SLC22A23: variants seen among roughly 807,000 people sequenced by gnomAD.
The protein encoded by SLC22A23 is solute carrier family 22 member 23, also known as ion transporter protein.
In SLC22A23, 26 loss-of-function variants were observed where a neutral mutation model predicts 61.0. The observed-to-expected ratio is 0.43, with a 90% CI of 0.31 to 0.59. The LOEUF (loss-of-function observed/expected upper bound fraction) is 0.59, where lower values mean the gene tolerates loss of function less well. SLC22A23 is among the 20% of genes least tolerant of loss of function. The pLI, the probability that SLC22A23 is intolerant of heterozygous loss-of-function variation, is 0.11. For synonymous variants in SLC22A23, 430 were observed against 413.9 expected (o/e 1.04, Z -0.47); for missense variants, 796 against 934.7 (o/e 0.85, Z 1.94).
At position 3,286,532 on chromosome 6, in the gene SLC22A23, G is replaced by A. The variant is rs551086033; in HGVS notation, c.1546+327C>T. Among the ~76,000 whole-genome samples the A allele has an allele frequency of 6.6e-6, 1 of 152,310 alleles. No homozygotes were observed. The highest frequency in any genetic ancestry group is 1.5e-5 in the Non-Finnish European group (1 of 68,036). ...ATTTATTTCCCCCTTAATGTCACTC[G>A]AAAGAGACAATCCTTTGTTCTTCTT... On this transcript the variant is annotated intron_variant, in intron 7 of 9. Transcript: ENST00000406686. This position sits in a 1 kb window ranked among gnomAD's most constrained non-coding sequence, Gnocchi z 4.2.
At chr6:3,357,291 C>A (rs1765175170) in intron 3 of SLC22A23, among the ~76,000 whole-genome samples, 2 of 152,186 alleles carry the variant, frequency 1.3e-5, no homozygotes, top group Admixed American at 1.3e-4. Context: ...GGACTTATCC[C>A]AGCCTCTGTA....
rs1252128900 is a variant in SLC22A23, at chr6:3,328,897, CT to C, written c.914-4896del. Among the ~76,000 whole-genome samples, 3 of 152,094 alleles carry C rather than the reference CT, an allele frequency of 2.0e-5. No individual in the cohort carries two copies. Among genetic ancestry groups the C allele is most frequent in the Non-Finnish European group, 4.4e-5 (3 of 68,016 alleles). On this transcript the variant is annotated intron_variant, in intron 3 of 9. Coordinates refer to ENST00000406686, the MANE Select transcript of SLC22A23 (RefSeq NM_015482.2). The surrounding 1 kb of genome is among the most constrained non-coding windows in gnomAD (Gnocchi z 5.0). ...AAGCCCATCTCCGAAGCTGCACCCC[CT>C]CCCTCCCCTTCTTACTCCCCACTCT... is the stretch of plus-strand genomic sequence containing the variant.
chr6:3,285,843 G>T (rs1168976976), intron 7 of SLC22A23, among the ~76,000 whole-genome samples: 1 of 152,336 alleles, frequency 6.6e-6, no homozygotes, highest in South Asian at 2.1e-4. Context: ...CTAGTTCTGA[G>T]AGCCCGGGTT....
At chr6:3,437,529 T>A (rs933451085) in intron 1 of SLC22A23, among the ~76,000 whole-genome samples, 18 of 150,188 alleles carry the variant, frequency 1.2e-4, no homozygotes, top group Admixed American at 7.3e-4. Flanking sequence ...CAAAAAAAAA[T>A]TAAAAAAAAA....
rs538510136 is a variant in SLC22A23 at position 3,332,009 on chromosome 6, G to A, written c.914-8007C>T. On this transcript the variant is annotated intron_variant, in intron 3 of 9. Transcript: ENST00000406686. ...GTTTTTCTGGTGCTATCCATTCTAC[G>A]GATCAAAATCATACGCAGTGAGTGA... 5.9e-5 allele frequency among the ~76,000 whole-genome samples: 9 copies of A among 152,236 alleles called. No individual in the cohort carries two copies. In the South Asian group the frequency reaches 6.2e-4, roughly 11 times the overall value.
chr6:3,420,844 C>A (rs1298552788), intron 1 of SLC22A23, among the ~76,000 whole-genome samples: 1 of 152,144 alleles, frequency 6.6e-6, no homozygotes, highest in African/African-American at 2.4e-5. Flanking sequence ...GTGGCCCACG[C>A]ATATAATCCC....
intron 3 of SLC22A23, among the ~76,000 whole-genome samples, chr6:3,362,904 C>T (rs1040031955): frequency 6.6e-6 from 1 of 152,192 alleles, no homozygotes; most frequent in Admixed American, 6.5e-5. Context: ...GCCATGACCA[C>T]CTCTTTGTTT....
chr6:3,419,478 T>C (rs1378315254), intron 1 of SLC22A23, among the ~76,000 whole-genome samples: 1 of 152,196 alleles, frequency 6.6e-6, no homozygotes, highest in Non-Finnish European at 1.5e-5. Flanking sequence ...TAACTTTCTG[T>C]GTGCAACCTT....
chr6:3,321,373 C>A (rs4959815), intron 4 of SLC22A23, among the ~76,000 whole-genome samples: 2 of 151,406 alleles, frequency 1.3e-5, no homozygotes, highest in Non-Finnish European at 2.9e-5. Flanking sequence ...CATGCACACA[C>A]GTGCACACAC....
At chr6:3,357,557 T>TA (rs201654371) in intron 3 of SLC22A23, among the ~76,000 whole-genome samples, 9 of 152,156 alleles carry the variant, frequency 5.9e-5, no homozygotes, top group African/African-American at 1.7e-4. Flanking sequence ...AAGCTTATCA[T>TA]AAAAAAATTT....
chr6:3,432,141 G>T, intron 1 of SLC22A23: 1 of 921,860 alleles, frequency 1.1e-6, no homozygotes, highest in Non-Finnish European at 1.3e-6. Context: ...AGGTTCCTCA[G>T]TGTAGAGGCG....
chr6:3,355,006 C>T (rs944799462), intron 3 of SLC22A23, among the ~76,000 whole-genome samples: 1 of 152,114 alleles, frequency 6.6e-6, no homozygotes, highest in South Asian at 2.1e-4. Flanking sequence ...ACACTCTTTC[C>T]TTTAAACAGG....
intron 6 of SLC22A23, among the ~76,000 whole-genome samples, chr6:3,288,463 C>T (rs538077968): frequency 6.6e-6 from 1 of 152,324 alleles, no homozygotes; most frequent in Non-Finnish European, 1.5e-5. Flanking sequence ...CTTTATAATC[C>T]AGCAACTGAT....
chr6:3,315,920 C>A (rs139664352), intron 4 of SLC22A23, among the ~76,000 whole-genome samples: 36 of 152,210 alleles, frequency 2.4e-4, no homozygotes, highest in African/African-American at 8.4e-4. Context: ...AGCTGACTCA[C>A]AGGATCTTCT....
At chr6:3,336,799 CTTTT>C (rs35612904) in intron 3 of SLC22A23, among the ~76,000 whole-genome samples, 3 of 131,624 alleles carry the variant, frequency 2.3e-5, no homozygotes, top group Admixed American at 7.6e-5. Context: ...CTGTAGTAGG[CTTTT>C]TTTTTTTTTT....
At chr6:3,350,639 A>G (rs1475797291) in intron 3 of SLC22A23, among the ~76,000 whole-genome samples, 1 of 152,234 alleles carries the variant, frequency 6.6e-6, no homozygotes, top group Non-Finnish European at 1.5e-5. Context: ...AAGCTTTGAC[A>G]GCTGCAGGCT....
chr6:3,404,214 G>T (rs1236623607), intron 3 of SLC22A23, among the ~76,000 whole-genome samples: 1 of 123,888 alleles, frequency 8.1e-6, no homozygotes, highest in Non-Finnish European at 1.6e-5. Flanking sequence ...TTTGGACATA[G>T]ATCTACCTTC....
At chr6:3,284,921 C>T (rs1489520194) in intron 8 of SLC22A23, 158 bp downstream of exon 8, 18 of 1,540,772 alleles carry the variant, frequency 1.2e-5, no homozygotes, top group Middle Eastern at 1.7e-4. Context: ...CAAATGTATC[C>T]GTATAGTGTC....
At chr6:3,346,093 C>T (rs539240197) in intron 3 of SLC22A23, among the ~76,000 whole-genome samples, 1 of 152,178 alleles carries the variant, frequency 6.6e-6, no homozygotes, top group Non-Finnish European at 1.5e-5. Flanking sequence ...AGTGATTCAG[C>T]CTGGTGCCAG....
Sources: allele counts gnomAD v4.1 joint callset (sites outside exome capture counted in the v4.1 genomes callset), GRCh38; gene constraint gnomAD v4.1.1; non-coding constraint Gnocchi (gnomAD v3.1); transcripts MANE v1.5; gene names NCBI Gene and HGNC (gene_info 2026-07-23, HGNC 2026-07-21).